Variants in NEBL observed in about 807,000 individuals in gnomAD.
NEBL encodes the protein nebulette.
In NEBL, 122 loss-of-function variants were observed where a neutral mutation model predicts 140.2. The observed-to-expected ratio is 0.87, with a 90% CI of 0.75 to 1.01. The LOEUF is 1.01. Among genes scored for constraint, NEBL ranks in the 50% least tolerant of loss-of-function variants. The probability of loss-of-function intolerance (pLI) is 0.00; values close to 1 mark genes in which losing one functional copy is unlikely to be tolerated. For missense variants in NEBL, 1,365 were observed against 1,231.3 expected (o/e 1.11, Z -1.62); for synonymous variants, 436 against 398.9 (o/e 1.09, Z -1.11).
At chr10:21,168,542 A>T (rs537864169) in intron 2 of NEBL, among the ~76,000 whole-genome samples, 47 of 152,348 alleles carry the variant, frequency 3.1e-4, no homozygotes, top group African/African-American at 1.1e-3. Flanking sequence ...TTTTAAAAAA[A>T]ACTGTAAAGA....
chr10:21,146,185 G>C (rs1839883205), intron 2 of NEBL, among the ~76,000 whole-genome samples: 1 of 152,144 alleles, frequency 6.6e-6, no homozygotes. Context: ...GCTTAATCTA[G>C]GTCAGTGATA....
At chr10:21,237,926 T>G (rs1842382128) in intron 3 of NEBL, among the ~76,000 whole-genome samples, 1 of 152,180 alleles carries the variant, frequency 6.6e-6, no homozygotes, top group Non-Finnish European at 1.5e-5. Context: ...TGATGTTCTA[T>G]TCTACCTTAA....
At chr10:21,232,557 G>A (rs977901790) in intron 3 of NEBL, among the ~76,000 whole-genome samples, 2 of 152,186 alleles carry the variant, frequency 1.3e-5, no homozygotes, top group Non-Finnish European at 2.9e-5. Context: ...GACAGTAACA[G>A]GTCATCAGGC....
intron 21 of NEBL, 31 bp from the exon 22 acceptor site, chr10:20,815,748 C>G: frequency 7.2e-7 from 1 of 1,395,186 alleles, no homozygotes; most frequent in Non-Finnish European, 1.0e-6. Flanking sequence ...AAATAGAATA[C>G]TATGAATCAA....
chr10:21,078,049 C>T (rs1197771207), intron 2 of NEBL, among the ~76,000 whole-genome samples: 2 of 152,152 alleles, frequency 1.3e-5, no homozygotes, highest in Non-Finnish European at 2.9e-5. Context: ...ATTCTGAAAG[C>T]TGGGTTGTGT....
At chr10:21,164,809 T>A (rs1003861302) in intron 2 of NEBL, among the ~76,000 whole-genome samples, 9 of 152,230 alleles carry the variant, frequency 5.9e-5, no homozygotes, top group Non-Finnish European at 1.0e-4. Flanking sequence ...ATCTCCTTCC[T>A]TTGTTTTCAA....
rs182224871 is a variant in NEBL at position 21,235,309 on chromosome 10, C to A, written n.348+12612G>T. Among the ~76,000 whole-genome samples, 67 of 151,800 alleles carry A rather than the reference C, an allele frequency of 4.4e-4. 1 individual carries two copies. The highest frequency in any genetic ancestry group is 1.6e-3 in the African/African-American group (67 of 41,412). On this transcript the variant is annotated intron_variant and non_coding_transcript_variant, in intron 3 of 8. Transcript: ENST00000675702. ...AGACCCTATCTCTTAAAAAAAAATC[C>A]AAATGTTAAAAAATCCAAAAACATA...
At position 20,921,101 on chromosome 10, in the gene NEBL, A is replaced by T. The variant is rs552172763; in HGVS notation, c.357+40571T>A. 9.2e-5 allele frequency among the ~76,000 whole-genome samples: 14 copies of T among 152,356 alleles called. No individual in the cohort carries two copies. In the South Asian group the frequency reaches 2.7e-3, roughly 29 times the overall value. Reference sequence around the variant, plus strand: ...TCTACATTCGTGAATAGTCTGAGATAATCACCCAGAAAGTGAAGTTATGCC... The same window carrying T: ...TCTACATTCGTGAATAGTCTGAGATTATCACCCAGAAAGTGAAGTTATGCC... On this transcript the variant is annotated intron_variant, in intron 4 of 6. Transcript: ENST00000417816.
intron 1 of NEBL, among the ~76,000 whole-genome samples, chr10:21,265,543 G>A (rs1328838673): frequency 6.6e-6 from 1 of 152,156 alleles, no homozygotes; most frequent in East Asian, 1.9e-4. Context: ...TCAGAAGCAG[G>A]TTTTGATGCA....
chr10:21,014,597 C>G (rs1838482284), intron 3 of NEBL, among the ~76,000 whole-genome samples: 1 of 152,084 alleles, frequency 6.6e-6, no homozygotes, highest in Non-Finnish European at 1.5e-5. Context: ...AGATGCAACT[C>G]CCCCCTGAGA....
chr10:21,065,869 T>A (rs1835512617), intron 2 of NEBL, among the ~76,000 whole-genome samples: 1 of 152,150 alleles, frequency 6.6e-6, no homozygotes, highest in African/African-American at 2.4e-5. Flanking sequence ...GTTAAGAACA[T>A]TAACAAAGGG....
rs115873743 is a variant in NEBL, at chr10:21,104,442, T to C, written c.164+67941A>G. Reference sequence around the variant, plus strand: ...TTTGTAGTTTCCAGTGTAGAAGTTTTACACATTTTTCCTCAAATTTATCCC... The same window carrying C: ...TTTGTAGTTTCCAGTGTAGAAGTTTCACACATTTTTCCTCAAATTTATCCC... On this transcript the variant is annotated intron_variant, in intron 2 of 6. Transcript: ENST00000417816. Among the ~76,000 whole-genome samples, 684 of 152,344 alleles carry C rather than the reference T, an allele frequency of 4.5e-3. 4 individuals carry two copies. Among genetic ancestry groups the C allele is most frequent in the African/African-American group, 0.015 (642 of 41,584 alleles).
At chr10:21,121,855 GA>G (rs1218289088) in intron 2 of NEBL, among the ~76,000 whole-genome samples, 1 of 152,184 alleles carries the variant, frequency 6.6e-6, no homozygotes, top group Non-Finnish European at 1.5e-5. Context: ...ATGCAAATTT[GA>G]AGATGCAAAT....
chr10:20,805,296 G>C (rs1305996476), intron 26 of NEBL, among the ~76,000 whole-genome samples: 1 of 152,156 alleles, frequency 6.6e-6, no homozygotes, highest in Non-Finnish European at 1.5e-5. Context: ...ACTGACATCA[G>C]GTGCCAATTG....
chr10:20,828,754 A>T, intron 16 of NEBL, 120 bp from the exon 17 acceptor site: 2 of 684,894 alleles, frequency 2.9e-6, no homozygotes, highest in South Asian at 3.2e-5. Context: ...GTTTTTACTG[A>T]CTTACACTCC....
rs149786468 is a variant in NEBL at position 20,968,688 on chromosome 10, A to C, written c.250-6909T>G. On this transcript the variant is annotated intron_variant, in intron 3 of 6. Transcript: ENST00000417816. ...AGCTTGTCAGAATATGTTTAACAGA[A>C]GCCTAAAATCTCAGGCACATGTATT... Among the ~76,000 whole-genome samples the C allele has an allele frequency of 4.0e-3, 615 of 152,340 alleles. 6 individuals are homozygous for C. Among genetic ancestry groups the C allele is most frequent in the African/African-American group, 0.014 (583 of 41,570 alleles).
At chr10:20,992,984 T>G (rs1283398384) in intron 3 of NEBL, among the ~76,000 whole-genome samples, 1 of 151,528 alleles carries the variant, frequency 6.6e-6, no homozygotes, top group Non-Finnish European at 1.5e-5. Flanking sequence ...GGGGTTTCAC[T>G]GTGTTAGCCA....
At chr10:21,194,337 C>CT (rs1178296024) in intron 3 of NEBL, among the ~76,000 whole-genome samples, 2 of 152,032 alleles carry the variant, frequency 1.3e-5, no homozygotes, top group African/African-American at 2.4e-5. Context: ...TCTAGCAACT[C>CT]TTTTTTTAAT....
At chr10:21,135,810 CCCT>C (rs1041955432) in intron 2 of NEBL, among the ~76,000 whole-genome samples, 6 of 152,124 alleles carry the variant, frequency 3.9e-5, no homozygotes, top group Non-Finnish European at 8.8e-5. Flanking sequence ...TCAGTGGTCA[CCCT>C]ACTTTTCTTG....
Sources: gnomAD v4.1 joint callset for allele counts (sites outside exome capture counted in the v4.1 genomes callset) on GRCh38, gnomAD v4.1.1 for gene constraint, MANE v1.5 for transcripts, NCBI Gene and HGNC (gene_info 2026-07-23, HGNC 2026-07-21) for gene names.